CFAP221: variants seen among roughly 807,000 people sequenced by gnomAD.
CFAP221 encodes the protein cilia and flagella associated protein 221.
CFAP221 carries 97 observed loss-of-function variants against 113.1 expected under a neutral mutation model. The ratio of observed to expected loss-of-function variants is 0.86; its 90% CI spans 0.73 to 1.02. The LOEUF is 1.02. Among genes scored for constraint, CFAP221 ranks in the 50% least tolerant of loss-of-function variants. The probability of loss-of-function intolerance (pLI) is 0.00; values close to 1 mark genes in which losing one functional copy is unlikely to be tolerated. For missense variants in CFAP221, 1,025 were observed against 1,013.4 expected (o/e 1.01, Z -0.16); for synonymous variants, 331 against 354.4 (o/e 0.93, Z 0.74).
chr2:119,625,882 A>C (rs1460001563), intron 15 of CFAP221, 194 bp downstream of exon 15: 10 of 564,494 alleles, frequency 1.8e-5, no homozygotes, highest in Non-Finnish European at 1.3e-5. Context: ...GTTAGTCATC[A>C]TTTATACTTG....
intron 19 of CFAP221, among the ~76,000 whole-genome samples, chr2:119,631,599 C>CAGG (rs1206018226): frequency 1.3e-5 from 2 of 152,124 alleles, no homozygotes; most frequent in African/African-American, 2.4e-5. Flanking sequence ...TGCTTGAACC[C>CAGG]AGGAGGAGGA....
Position 119,593,244 on chromosome 2 carries a change from A to G in CFAP221, c.631+6022A>G, listed in dbSNP as rs568309393. Among the ~76,000 whole-genome samples the G allele has an allele frequency of 3.0e-4, 45 of 152,200 alleles. No individual in the cohort carries two copies. In the South Asian group the frequency reaches 9.1e-3, roughly 31 times the overall value. On this transcript the variant is annotated intron_variant, in intron 7 of 23. Coordinates refer to ENST00000413369, the MANE Select transcript of CFAP221 (RefSeq NM_001271049.2). ...GTGTGTGCATGTATGTGGTATTTGCATGAGTGTGGTGTATACATATGAGTG... is the reference window on the plus strand; with the variant it reads ...GTGTGTGCATGTATGTGGTATTTGCGTGAGTGTGGTGTATACATATGAGTG...
At chr2:119,611,420 CAAAAAAAA>C (rs10689517) in intron 12 of CFAP221, among the ~76,000 whole-genome samples, 1 of 113,492 alleles carries the variant, frequency 8.8e-6, no homozygotes, top group Non-Finnish European at 1.7e-5. Context: ...GAGACAACGT[CAAAAAAAA>C]AAAAAAAAAA....
intron 7 of CFAP221, among the ~76,000 whole-genome samples, chr2:119,599,621 C>T (rs1684228798): frequency 6.6e-6 from 1 of 152,106 alleles, no homozygotes; most frequent in African/African-American, 2.4e-5. Context: ...CAGCAGGAGC[C>T]AATGAAAAGG....
chr2:119,609,186 T>C (rs975273517), intron 12 of CFAP221, among the ~76,000 whole-genome samples: 3 of 152,168 alleles, frequency 2.0e-5, no homozygotes, highest in Non-Finnish European at 2.9e-5. Flanking sequence ...GGTTGTTACC[T>C]ACACACAGGT....
chr2:119,567,769 T>A, intron 6 of CFAP221, among the ~76,000 whole-genome samples: 1 of 152,224 alleles, frequency 6.6e-6, no homozygotes, highest in East Asian at 1.9e-4. Context: ...ACTACTGATG[T>A]TCACAGTGAT....
In CFAP221 at chr2:119,544,456, C is replaced by T. The variant is rs1307923549; in HGVS notation, c.-102C>T. The T allele has an allele frequency of 6.6e-6, 1 of 151,832 alleles. No individual in the cohort carries two copies. The highest frequency in any genetic ancestry group is 1.5e-5 in the Non-Finnish European group (1 of 67,940). The allele number at this position is 151,832 out of a possible 1,614,324, so 9.4% of individuals were successfully genotyped here. ...CGTCCGCGTCGTCATGGCGACGCTC[C>T]GAGCGGGCGCCGGCGCTGGCGCCGG... On this transcript the variant is annotated 5_prime_UTR_variant, in exon 1 of 24. Transcript: ENST00000413369.
chr2:119,604,590 G>A lies in CFAP221; in HGVS notation c.792-82G>A, dbSNP rs933461429. The A allele has an allele frequency of 7.9e-5, 103 of 1,295,614 alleles. 1 individual carries two copies. The South Asian group carries it at 1.5e-3, about 19-fold the overall frequency. The allele number at this position is 1,295,614 out of a possible 1,614,324, so 80.3% of individuals were successfully genotyped here. On this transcript the variant is annotated intron_variant, in intron 8 of 23. Transcript: ENST00000413369. ...GTATAATAAGGGACTTCAAGTTGTG[G>A]TGTTATCAGAAGGAACATAAAACAT...
chr2:119,637,387 C>T (rs1160903800), intron 19 of CFAP221, among the ~76,000 whole-genome samples: 1 of 152,198 alleles, frequency 6.6e-6, no homozygotes, highest in Non-Finnish European at 1.5e-5. Context: ...GCATTCAGGT[C>T]TAGCTGCATG....
chr2:119,555,086 C>A (rs992830582), intron 3 of CFAP221, among the ~76,000 whole-genome samples: 1 of 152,114 alleles, frequency 6.6e-6, no homozygotes, highest in South Asian at 2.1e-4. Context: ...GAGCTGTGAG[C>A]CCTCTTGGGG....
chr2:119,628,724 C>A (rs1386808341), intron 16 of CFAP221, among the ~76,000 whole-genome samples: 1 of 152,170 alleles, frequency 6.6e-6, no homozygotes, highest in Non-Finnish European at 1.5e-5. Context: ...TCAAGAATTA[C>A]GGGACTGAAT....
chr2:119,625,051 G>A (rs1360169975), intron 14 of CFAP221, among the ~76,000 whole-genome samples: 1 of 151,928 alleles, frequency 6.6e-6, no homozygotes, highest in South Asian at 2.1e-4. Flanking sequence ...TTACAGAATG[G>A]AAAGTGATGT....
At chr2:119,599,226 G>A (rs1191594597) in intron 7 of CFAP221, among the ~76,000 whole-genome samples, 9 of 152,174 alleles carry the variant, frequency 5.9e-5, no homozygotes, top group Non-Finnish European at 1.3e-4. Context: ...AGATATAAAA[G>A]GTATGGGGCT....
chr2:119,548,823 C>A (rs917650840), intron 2 of CFAP221, among the ~76,000 whole-genome samples: 13 of 152,082 alleles, frequency 8.5e-5, no homozygotes, highest in Non-Finnish European at 1.2e-4. Flanking sequence ...AGAGCAAATT[C>A]TTTTACTAGG....
At chr2:119,577,128 G>T (rs1209432144) in intron 6 of CFAP221, among the ~76,000 whole-genome samples, 2 of 152,160 alleles carry the variant, frequency 1.3e-5, no homozygotes, top group Non-Finnish European at 2.9e-5. Flanking sequence ...GTGAGATCAG[G>T]GGCCAGCATG....
intron 6 of CFAP221, among the ~76,000 whole-genome samples, chr2:119,579,308 CAT>C (rs953651489): frequency 9.9e-5 from 15 of 151,196 alleles, no homozygotes; most frequent in African/African-American, 3.6e-4. Context: ...TATATATATA[CAT>C]ATATATATGT....
intron 19 of CFAP221, among the ~76,000 whole-genome samples, chr2:119,633,213 A>G (rs918375045): frequency 2.8e-4 from 42 of 152,082 alleles, no homozygotes; most frequent in African/African-American, 9.9e-4. Context: ...ACATAAATTA[A>G]TACAACATGG....
At position 119,559,814 on chromosome 2, in the gene CFAP221, T is replaced by C. The variant is rs1394827940; in HGVS notation, c.327+39T>C. On this transcript the variant is annotated intron_variant, in intron 4 of 23. Coordinates refer to ENST00000413369, the MANE Select transcript of CFAP221 (RefSeq NM_001271049.2). ...GTTTACCTGTTCTCCCACGGTGTGG[T>C]TGTCTGCGTCTCAGGCCTGTGTGGG... The C allele has an allele frequency of 5.4e-6, 8 of 1,489,928 alleles. No homozygotes were observed. The South Asian group carries it at 7.2e-5, about 13-fold the overall frequency. The allele number at this position is 1,489,928 out of a possible 1,614,324, so 92.3% of individuals were successfully genotyped here. A position where few individuals can be genotyped will look rare whatever the true frequency, so the allele number is the denominator to read the frequency against.
At chr2:119,628,852 C>T (rs1004772344) in intron 16 of CFAP221, among the ~76,000 whole-genome samples, 11 of 152,072 alleles carry the variant, frequency 7.2e-5, no homozygotes, top group African/African-American at 2.7e-4. Flanking sequence ...GTCTGACACT[C>T]GATAATTAAT....
Sources: allele counts gnomAD v4.1 joint callset (sites outside exome capture counted in the v4.1 genomes callset), GRCh38; gene constraint gnomAD v4.1.1; transcripts MANE v1.5; gene names NCBI Gene and HGNC (gene_info 2026-07-23, HGNC 2026-07-21).